ANXA1: variants seen among roughly 807,000 people sequenced by gnomAD.
ANXA1 encodes the protein annexin A1.
In ANXA1, 39 loss-of-function variants were observed where a neutral mutation model predicts 47.9. That is an observed-to-expected ratio of 0.81 (90% CI 0.63 to 1.06). The LOEUF is 1.06. Among genes scored for constraint, ANXA1 ranks in the 50% least tolerant of loss-of-function variants. The pLI is 0.00. For missense variants in ANXA1, 446 were observed against 422.7 expected, an observed-to-expected ratio of 1.06 and a Z score of -0.48; for synonymous variants, 146 against 142.5, an observed-to-expected ratio of 1.02 and a Z score of -0.17.
chr9:73,163,322 C>A (rs13293746), intron 7 of ANXA1, among the ~76,000 whole-genome samples, 154 bp from the exon 8 acceptor site: 63 of 152,088 alleles, frequency 4.1e-4, no homozygotes, highest in Non-Finnish European at 5.7e-4. Context: ...CTAAAACCAT[C>A]GCAAGTAAAA....
chr9:73,158,912 G>A lies in ANXA1; in HGVS notation c.175+109G>A. The A allele has an allele frequency of 1.4e-5, 13 of 925,784 alleles. No individual in the cohort carries two copies. The South Asian group carries it at 2.1e-4, about 15-fold the overall frequency. The allele number at this position is 925,784 out of a possible 1,614,324, so 57.3% of individuals were successfully genotyped here. A position where few individuals can be genotyped will look rare whatever the true frequency, so the allele number is the denominator to read the frequency against. On this transcript the variant is annotated intron_variant, in intron 3 of 12. Coordinates refer to ENST00000257497, the MANE Select transcript of ANXA1 (RefSeq NM_000700.3). The stretch of plus-strand genomic sequence containing the variant: ...TGGAAAGAATCTGTTTCATTTTGAA[G>A]ATAAAAACATTTCTTTGCCAAACGA...
chr9:73,169,524 A>G (rs1419445768), intron 12 of ANXA1, among the ~76,000 whole-genome samples: 2 of 152,142 alleles, frequency 1.3e-5, no homozygotes, highest in African/African-American at 4.8e-5. Flanking sequence ...ATTCTATCAC[A>G]TGTAAAATGT....
rs192721353 is a variant in ANXA1, at chr9:73,164,499, A to G, written c.613-617A>G. Among the ~76,000 whole-genome samples the G allele has an allele frequency of 7.2e-5, 11 of 152,238 alleles. No individual in the cohort carries two copies. In the East Asian group the frequency reaches 1.7e-3, roughly 24 times the overall value. On this transcript the variant is annotated intron_variant, in intron 8 of 12. Transcript: ENST00000257497. Reference sequence around the variant, plus strand: ...TTTTAAGACTATCAGGGTTCTTAATATATATTTATGGAGGTTACATGGATT... The same window carrying G: ...TTTTAAGACTATCAGGGTTCTTAATGTATATTTATGGAGGTTACATGGATT...
At chr9:73,165,357 G>T in intron 9 of ANXA1, 148 bp downstream of exon 9, 1 of 565,852 alleles carries the variant, frequency 1.8e-6, no homozygotes, top group African/African-American at 1.9e-5. Context: ...ATTGTTATTT[G>T]TCAATTTGTC....
In ANXA1 at chr9:73,169,081, C is replaced by T; in HGVS notation, c.911C>T (p.Ser304Phe). Residue 304 changes from serine (S) to phenylalanine (F), a missense_variant, in exon 12 of 13, where the codon TCT becomes TTT. By Grantham distance (155) the Ser-to-Phe change is radical. Transcript: ENST00000257497. ...KALIRIMVSR[S>F]EIDMNDIKAF... ...TTGATCAGGATTATGGTTTCCCGTT[C>T]TGAAATTGACATGAATGATATCAAA... is the stretch of plus-strand genomic sequence containing the variant. 1 of 1,613,450 alleles carries T rather than the reference C, an allele frequency of 6.2e-7. No individual in the cohort carries two copies. The highest frequency in any genetic ancestry group is 8.5e-7 in the Non-Finnish European group (1 of 1,179,582).
intron 1 of ANXA1, chr9:73,154,103 A>G (rs1824010603): frequency 3.0e-6 from 1 of 328,002 alleles, no homozygotes; most frequent in East Asian, 8.8e-5. Flanking sequence ...ACCCTATCGA[A>G]AAGCCTGGAA....
Position 73,165,118 on chromosome 9 carries a change from C to G in ANXA1, c.615C>G (p.Ala205=), listed in dbSNP as rs1563963697. ...NEDLADSDAR[A]LYEAGERRKG... is the part of the protein sequence containing the mutation. ...TTTACTTTTGTGTTTCTTGACAGGCCTTGTATGAAGCAGGAGAAAGGAGAA... is the reference window on the plus strand; with the variant it reads ...TTTACTTTTGTGTTTCTTGACAGGCGTTGTATGAAGCAGGAGAAAGGAGAA... The change falls in exon 9 of 13, where the codon GCC becomes GCG. Residue 205 remains alanine (A), a splice_region_variant and synonymous_variant. Coordinates refer to ENST00000257497, the MANE Select transcript of ANXA1 (RefSeq NM_000700.3). 1 of 1,611,974 alleles carries G rather than the reference C, an allele frequency of 6.2e-7. No individual in the cohort carries two copies.
At chr9:73,156,252 G>A (rs1032045694) in intron 1 of ANXA1, among the ~76,000 whole-genome samples, 7 of 151,728 alleles carry the variant, frequency 4.6e-5, no homozygotes, top group African/African-American at 1.5e-4. Flanking sequence ...CACTCATTTT[G>A]ATGATTCTTC....
At chr9:73,157,285 TG>T (rs1824062906) in intron 1 of ANXA1, among the ~76,000 whole-genome samples, 1 of 152,176 alleles carries the variant, frequency 6.6e-6, no homozygotes, top group Non-Finnish European at 1.5e-5. Flanking sequence ...AAATATCACC[TG>T]GATATCTTTT....
rs772657814 is a variant in ANXA1, at chr9:73,166,109, A to G, written c.719A>G (p.Tyr240Cys). ...YPQLRRVFQK[Y>C]TKYSKHDMNK... ...ATTTAATATTCAGTGTTTCAGAAAT[A>G]CACCAAGTACAGTAAGCATGACATG... The change falls in exon 10 of 13, where the codon TAC becomes TGC. Residue 240 changes from tyrosine (Y) to cysteine (C), a missense_variant. Physicochemically the swap from Tyr to Cys is radical, Grantham distance 194. Transcript: ENST00000257497. 2 of 1,606,274 alleles carry G rather than the reference A, an allele frequency of 1.2e-6. No homozygotes were observed. Among genetic ancestry groups the G allele is most frequent in the South Asian group, 1.1e-5 (1 of 89,194 alleles).
chr9:73,154,332 G>C, intron 1 of ANXA1: 1 of 1,366,182 alleles, frequency 7.3e-7, no homozygotes, highest in Non-Finnish European at 9.8e-7. Flanking sequence ...TAATGAATTT[G>C]ATTCTCAGGT....
intron 5 of ANXA1, among the ~76,000 whole-genome samples, 188 bp from the exon 6 acceptor site, chr9:73,160,615 C>T (rs1824125128): frequency 6.6e-6 from 1 of 151,836 alleles, no homozygotes; most frequent in Admixed American, 6.6e-5. Flanking sequence ...TTATTTTTAC[C>T]CAAAATATTG....
intron 12 of ANXA1, 21 bp downstream of exon 12, chr9:73,169,175 T>C: frequency 6.3e-7 from 1 of 1,581,870 alleles, no homozygotes; most frequent in Non-Finnish European, 8.6e-7. Context: ...ATTCCTCTAA[T>C]GCCATCCCAA....
chr9:73,160,923 C>T, intron 6 of ANXA1, 30 bp downstream of exon 6: 1 of 1,433,010 alleles, frequency 7.0e-7, no homozygotes, highest in Non-Finnish European at 9.7e-7. Context: ...AGTCCAAACG[C>T]CTTATTTGAA....
chr9:73,167,604 T>C (rs376925893), intron 11 of ANXA1, 49 bp downstream of exon 11: 2 of 1,518,544 alleles, frequency 1.3e-6, no homozygotes, highest in Non-Finnish European at 1.8e-6. Context: ...GAATTATTTG[T>C]AGAAAGAACA....
chr9:73,160,126 A>G, intron 4 of ANXA1, 137 bp from the exon 5 acceptor site: 1 of 515,540 alleles, frequency 1.9e-6, no homozygotes, highest in Non-Finnish European at 3.4e-6. Context: ...TACACTTTGT[A>G]TGTGAAGGGA....
Position 73,167,485 on chromosome 9 carries a change from C to T in ANXA1, c.803-12C>T. On this transcript the variant is annotated splice_polypyrimidine_tract_variant and intron_variant, in intron 10 of 12. Coordinates refer to ENST00000257497, the MANE Select transcript of ANXA1 (RefSeq NM_000700.3). ...TGGTAAATACATCAACTAAAATTTTCTTCTCTAACAGTGAAGTGCGCCACA... is the reference window on the plus strand; with the variant it reads ...TGGTAAATACATCAACTAAAATTTTTTTCTCTAACAGTGAAGTGCGCCACA... The T allele has an allele frequency of 6.2e-7, 1 of 1,608,678 alleles. No individual in the cohort carries two copies. Among genetic ancestry groups the T allele is most frequent in the Non-Finnish European group, 8.5e-7 (1 of 1,178,166 alleles).
intron 6 of ANXA1, among the ~76,000 whole-genome samples, chr9:73,161,438 A>G (rs1182332742): frequency 6.6e-6 from 1 of 152,170 alleles, no homozygotes; most frequent in East Asian, 1.9e-4. Flanking sequence ...AGAATAAAAG[A>G]CTAGTCTTAG....
At chr9:73,159,297 G>C in intron 3 of ANXA1, 32 bp from the exon 4 acceptor site, 1 of 1,525,282 alleles carries the variant, frequency 6.6e-7, no homozygotes, top group Non-Finnish European at 9.1e-7. Flanking sequence ...GAAGAAAATT[G>C]GTGTTAAAGG....
Sources: gnomAD v4.1 joint callset for allele counts (sites outside exome capture counted in the v4.1 genomes callset) on GRCh38, gnomAD v4.1.1 for gene constraint, MANE v1.5 for transcripts, NCBI Gene and HGNC (gene_info 2026-07-23, HGNC 2026-07-21) for gene names.